FBLN1: variants seen among roughly 807,000 people sequenced by gnomAD.
FBLN1 encodes fibulin 1.
A neutral mutation model predicts 89.7 loss-of-function variants in FBLN1; 34 were observed. The observed-to-expected ratio is 0.38, with a 90% CI of 0.29 to 0.50. The LOEUF is 0.50. Among genes scored for constraint, FBLN1 ranks in the 20% least tolerant of loss-of-function variants. FBLN1 has a pLI of 0.92. For missense variants in FBLN1, 777 were observed against 988.1 expected, an observed-to-expected ratio of 0.79 and a Z score of 2.86; for synonymous variants, 393 against 391.3, an observed-to-expected ratio of 1.00 and a Z score of -0.05.
rs2088664317 is a variant in FBLN1 at position 45,548,749 on chromosome 22, GC to G, written c.1573+6del. On this transcript the variant is annotated splice_donor_region_variant and intron_variant, in intron 13 of 16. Coordinates refer to ENST00000327858, the MANE Select transcript of FBLN1 (RefSeq NM_006486.3). ...CCAATGGCCGCAACTGCCAAGGTGA[GC>G]AGGAGGGATGCCCTGGGGTCCCTCA... 1 of 1,612,780 alleles carries G rather than the reference GC, an allele frequency of 6.2e-7. No homozygotes were observed. Among genetic ancestry groups the G allele is most frequent in the Non-Finnish European group, 8.5e-7 (1 of 1,179,996 alleles).
chr22:45,511,947 CAG>C (rs1240792853), intron 1 of FBLN1, among the ~76,000 whole-genome samples: 1 of 152,134 alleles, frequency 6.6e-6, no homozygotes, highest in African/African-American at 2.4e-5. Context: ...CTCACATGGT[CAG>C]ATGCAGGGGT....
chr22:45,503,059 C>A lies in FBLN1; in HGVS notation c.74C>A (p.Ala25Asp), dbSNP rs528661383. 1 of 1,246,946 alleles carries A rather than the reference C, an allele frequency of 8.0e-7. No homozygotes were observed. Among genetic ancestry groups the A allele is most frequent in the Admixed American group, 4.0e-5 (1 of 24,930 alleles). 77.2% of individuals were successfully genotyped at this position (1,246,946 alleles called of 1,614,324 possible). Residue 25 changes from alanine to aspartate, a missense_variant, in exon 1 of 17, where the codon GCC (alanine) becomes GAC (aspartate). By Grantham distance (126) the Ala-to-Asp change is moderately radical. Coordinates refer to ENST00000327858, the MANE Select transcript of FBLN1 (RefSeq NM_006486.3). ...CTCGGCGGCCTTGCGCTGCTGGCGG[C>A]CGGAGGTAGGGGCGTCCCGGGTCCG... ...LLLGGLALLAAGVDADVLLEA... is the reference protein window; with the variant it reads ...LLLGGLALLADGVDADVLLEA...
At chr22:45,527,418 A>G (rs981361076) in intron 3 of FBLN1, among the ~76,000 whole-genome samples, 6 of 152,196 alleles carry the variant, frequency 3.9e-5, no homozygotes, top group African/African-American at 1.4e-4. Flanking sequence ...GGCAGCATGC[A>G]TGTGTGTCAT....
intron 1 of FBLN1, among the ~76,000 whole-genome samples, chr22:45,504,341 G>C (rs1419899176): frequency 6.6e-6 from 1 of 152,150 alleles, no homozygotes; most frequent in African/African-American, 2.4e-5. Flanking sequence ...CACCTCGTGG[G>C]GTTGGAGATG....
intron 2 of FBLN1, among the ~76,000 whole-genome samples, chr22:45,520,952 A>G (rs903117337): frequency 6.6e-6 from 1 of 152,058 alleles, no homozygotes; most frequent in South Asian, 2.1e-4. Context: ...AGTACCTGAG[A>G]TTACAGGCAC....
At chr22:45,520,155 T>G (rs1375868627) in intron 2 of FBLN1, among the ~76,000 whole-genome samples, 1 of 151,850 alleles carries the variant, frequency 6.6e-6, no homozygotes, top group Non-Finnish European at 1.5e-5. Context: ...GGTGACAGAG[T>G]GAGACTCCGT....
chr22:45,593,933 C>T (rs2089160994), intron 16 of FBLN1, among the ~76,000 whole-genome samples: 1 of 152,196 alleles, frequency 6.6e-6, no homozygotes, highest in Non-Finnish European at 1.5e-5. Flanking sequence ...TGTCCCTGAA[C>T]AAGGAGGCCG....
rs1410384712 is a variant in FBLN1, at chr22:45,537,479, TGTG to T, written c.922+2150_922+2152del. On this transcript the variant is annotated intron_variant, in intron 8 of 16. Coordinates refer to ENST00000327858, the MANE Select transcript of FBLN1 (RefSeq NM_006486.3). The surrounding 1 kb of genome is among the most constrained non-coding windows in gnomAD (Gnocchi z 5.7). ...ACTAAAAATACAAAAATTAGCCGGG[TGTG>T]GTGGTGGGCACCTTGTAATCCCAGC... 6.6e-6 allele frequency among the ~76,000 whole-genome samples: 1 copy of T among 151,808 alleles called. No individual in the cohort carries two copies. Among genetic ancestry groups the T allele is most frequent in the African/African-American group, 2.4e-5 (1 of 41,310 alleles).
intron 16 of FBLN1, among the ~76,000 whole-genome samples, chr22:45,587,606 G>A (rs1030484085): frequency 1.6e-4 from 24 of 152,128 alleles, no homozygotes; most frequent in Middle Eastern, 3.4e-3. Flanking sequence ...TCAGGGATGC[G>A]TGGGCTCCAG....
chr22:45,507,691 C>T (rs541147492), intron 1 of FBLN1, among the ~76,000 whole-genome samples: 70 of 152,200 alleles, frequency 4.6e-4, no homozygotes, highest in Middle Eastern at 3.4e-3. Flanking sequence ...CCACACCTGG[C>T]TAATTTTTGT....
At chr22:45,564,892 C>G (rs1385283701) in intron 14 of FBLN1, 2 of 1,613,934 alleles carry the variant, frequency 1.2e-6, no homozygotes, top group Admixed American at 1.7e-5. Context: ...AGGCAGAAAT[C>G]CAAGAAGGGA....
intron 2 of FBLN1, among the ~76,000 whole-genome samples, chr22:45,524,076 C>T (rs893632480): frequency 2.0e-5 from 3 of 152,192 alleles, no homozygotes; most frequent in Non-Finnish European, 2.9e-5. Context: ...TAGCTCAGCT[C>T]GGTAATTCCA....
At chr22:45,517,503 T>G in intron 1 of FBLN1, 1 of 468,312 alleles carries the variant, frequency 2.1e-6, no homozygotes, top group Non-Finnish European at 4.4e-6. Context: ...TGTGCCCAGC[T>G]CATTTGGGCC....
chr22:45,598,595 C>A (rs1308683693), intron 16 of FBLN1, among the ~76,000 whole-genome samples: 2 of 152,194 alleles, frequency 1.3e-5, no homozygotes, highest in African/African-American at 2.4e-5. Flanking sequence ...CACCTCCATT[C>A]TCGCCCCCGC....
intron 1 of FBLN1, among the ~76,000 whole-genome samples, chr22:45,505,148 CTG>C (rs201537296): frequency 2.8e-3 from 431 of 152,356 alleles, no homozygotes; most frequent in African/African-American, 1.0e-2. Context: ...CCTGTCTGTC[CTG>C]TGTCTGTCCG....
intron 2 of FBLN1, chr22:45,523,005 C>T (rs867714936): frequency 3.4e-6 from 2 of 587,770 alleles, no homozygotes; most frequent in Middle Eastern, 2.7e-4. Flanking sequence ...ATAAGTCCGT[C>T]TGATGGTTTG....
chr22:45,505,811 G>C (rs1008278900), intron 1 of FBLN1, among the ~76,000 whole-genome samples: 1 of 151,956 alleles, frequency 6.6e-6, no homozygotes, highest in Non-Finnish European at 1.5e-5. Context: ...CGCTCTTGTC[G>C]CCCAGGCTGG....
chr22:45,523,221 G>A (rs779531221), intron 2 of FBLN1: 27 of 761,776 alleles, frequency 3.5e-5, no homozygotes, highest in African/African-American at 2.9e-4. Flanking sequence ...ACAGCAAGGC[G>A]GCCAGGGTGG....
chr22:45,586,708 A>G (rs2089089313), intron 16 of FBLN1, among the ~76,000 whole-genome samples: 1 of 152,206 alleles, frequency 6.6e-6, no homozygotes, highest in Non-Finnish European at 1.5e-5. Context: ...AGGGACGCAC[A>G]CTGAGCAGGT....
Sources: gnomAD v4.1 joint callset for allele counts (sites outside exome capture counted in the v4.1 genomes callset) on GRCh38, gnomAD v4.1.1 for gene constraint, Gnocchi (gnomAD v3.1) non-coding constraint, MANE v1.5 for transcripts, NCBI Gene and HGNC (gene_info 2026-07-23, HGNC 2026-07-21) for gene names.